PEDS1: variants seen among roughly 807,000 people sequenced by gnomAD.
PEDS1 encodes plasmanylethanolamine desaturase 1, also known as CarF homolog.
A neutral mutation model predicts 35.2 loss-of-function variants in PEDS1; 14 were observed. The observed-to-expected ratio is 0.40, with a 90% CI of 0.26 to 0.62. The LOEUF is 0.62. Among genes scored for constraint, PEDS1 ranks in the 20% least tolerant of loss-of-function variants. The pLI is 0.44. For synonymous variants in PEDS1, 152 were observed against 152.0 expected (o/e 1.00, Z 0.00); for missense variants, 260 against 367.8 (o/e 0.71, Z 2.40).
At chr20:50,141,968 C>T (rs1292097984) in intron 2 of PEDS1, among the ~76,000 whole-genome samples, 2 of 152,188 alleles carry the variant, frequency 1.3e-5, no homozygotes, top group African/African-American at 2.4e-5. Context: ...ACCAAGGGCA[C>T]AGCCGCCCCC....
In PEDS1 at chr20:50,121,229, G is replaced by C. The variant is rs2081048326; in HGVS notation, c.*3829C>G. 2 of 152,262 alleles carry C rather than the reference G, an allele frequency of 1.3e-5. No individual in the cohort carries two copies. Among genetic ancestry groups the C allele is most frequent in the Admixed American group, 1.3e-4 (2 of 15,280 alleles). The allele number at this position is 152,262 out of a possible 1,614,324, so 9.4% of individuals were successfully genotyped here. A position where few individuals can be genotyped will look rare whatever the true frequency, so the allele number is the denominator to read the frequency against. On this transcript the variant is annotated 3_prime_UTR_variant, in exon 6 of 6. Transcript: ENST00000371652. Reference sequence around the variant, plus strand: ...GGCCTGATGTCTCCAGGTCATCCCAGTCCCCAGCGTCAGCGGCCCTTTCTC... The same window carrying C: ...GGCCTGATGTCTCCAGGTCATCCCACTCCCCAGCGTCAGCGGCCCTTTCTC...
At position 50,121,515 on chromosome 20, in the gene PEDS1, T is replaced by C. The variant is rs1268573112; in HGVS notation, c.*3543A>G. ...CTTGACAGGACCCATGCCAGAGCTC[T>C]CTGCACAGTCTGGTGCAAAGTTAAG... On this transcript the variant is annotated 3_prime_UTR_variant, in exon 6 of 6. Transcript: ENST00000371652. 1 of 152,224 alleles carries C rather than the reference T, an allele frequency of 6.6e-6. No homozygotes were observed. The highest frequency in any genetic ancestry group is 1.5e-5 in the Non-Finnish European group (1 of 68,052). 9.4% of individuals were successfully genotyped at this position (152,224 alleles called of 1,614,324 possible).
intron 2 of PEDS1, among the ~76,000 whole-genome samples, chr20:50,143,102 G>A (rs2081311124): frequency 1.3e-5 from 2 of 152,212 alleles, no homozygotes; most frequent in South Asian, 2.1e-4. Context: ...GAGACTGGAC[G>A]GTGCAGGGCA....
chr20:50,127,078 G>A (rs937787351), intron 5 of PEDS1, among the ~76,000 whole-genome samples: 3 of 151,990 alleles, frequency 2.0e-5, no homozygotes, highest in African/African-American at 7.2e-5. Flanking sequence ...CAGGGCCTTC[G>A]CACCTACTGT....
rs990469716 is a variant in PEDS1, at chr20:50,124,070, G to A, written c.*988C>T. 4.6e-5 allele frequency: 7 copies of A among 152,594 alleles called. No individual in the cohort carries two copies. Among genetic ancestry groups the A allele is most frequent in the Admixed American group, 1.3e-4 (2 of 15,276 alleles). 9.5% of individuals were successfully genotyped at this position (152,594 alleles called of 1,614,324 possible). On this transcript the variant is annotated 3_prime_UTR_variant, in exon 6 of 6. Coordinates refer to ENST00000371652, the MANE Select transcript of PEDS1 (RefSeq NM_199129.4). ...AGCTCTCATCCTGAGGCCAGGGTTG[G>A]GGGGAGCTGGGAATGGGGCGAGAGT... is the stretch of plus-strand genomic sequence containing the variant.
intron 1 of PEDS1, among the ~76,000 whole-genome samples, chr20:50,153,287 G>A (rs1350929138): frequency 6.6e-6 from 1 of 152,070 alleles, no homozygotes; most frequent in Non-Finnish European, 1.5e-5. Flanking sequence ...GGAGCTCATG[G>A]TAATTTCTTG....
intron 1 of PEDS1, chr20:50,151,446 A>G (rs2081401828): frequency 3.9e-6 from 2 of 512,800 alleles, no homozygotes; most frequent in Admixed American, 4.7e-5. Context: ...TCACAGGAGC[A>G]GGCAGAGCTG....
At chr20:50,139,610 C>T (rs1025558678) in intron 2 of PEDS1, among the ~76,000 whole-genome samples, 1 of 152,012 alleles carries the variant, frequency 6.6e-6, no homozygotes, top group Non-Finnish European at 1.5e-5. Flanking sequence ...GACTCAGCCC[C>T]TGGGGGTGCT....
chr20:50,147,066 A>G (rs2081353386), intron 1 of PEDS1, among the ~76,000 whole-genome samples: 1 of 152,138 alleles, frequency 6.6e-6, no homozygotes, highest in South Asian at 2.1e-4. Context: ...TGCCTGCCCC[A>G]CAGCATGCAG....
chr20:50,131,986 C>T (rs1183862504), intron 2 of PEDS1, among the ~76,000 whole-genome samples: 1 of 151,894 alleles, frequency 6.6e-6, no homozygotes, highest in Non-Finnish European at 1.5e-5. Flanking sequence ...GGCGGATCAC[C>T]TGAGGTCAGG....
rs1384597030 is a variant in PEDS1, at chr20:50,130,836, G to T, written c.333+20C>A. 2.5e-6 allele frequency: 4 copies of T among 1,613,612 alleles called. No individual in the cohort carries two copies. The highest frequency in any genetic ancestry group is 4.5e-5 in the East Asian group (2 of 44,900). ...AGCCCAACCTCCTTCTTGAGGACAT[G>T]GTTAGGTCAACATACTCACCTTCCC... On this transcript the variant is annotated intron_variant, in intron 3 of 5. Coordinates refer to ENST00000371652, the MANE Select transcript of PEDS1 (RefSeq NM_199129.4).
intron 1 of PEDS1, chr20:50,151,431 A>G: frequency 3.6e-6 from 2 of 560,138 alleles, no homozygotes; most frequent in South Asian, 1.5e-5. Context: ...GAAAGTAGGT[A>G]GGGTTCACAG....
chr20:50,133,602 C>G (rs761213), intron 2 of PEDS1, among the ~76,000 whole-genome samples: 91,941 of 152,052 alleles, frequency 0.6, 29,588 homozygotes, highest in African/African-American at 0.85. Context: ...GTGGAAGCCC[C>G]AGAAGGGCTT....
chr20:50,126,270 A>G (rs950951605), intron 5 of PEDS1, among the ~76,000 whole-genome samples: 4 of 152,184 alleles, frequency 2.6e-5, no homozygotes, highest in African/African-American at 7.2e-5. Flanking sequence ...GTAGATACTA[A>G]TATCAGTCCC....
Position 50,125,047 on chromosome 20 carries a change from G to GCCAAC in PEDS1, c.*10_*11insGTTGG. On this transcript the variant is annotated 3_prime_UTR_variant, in exon 6 of 6. Transcript: ENST00000371652. The stretch of plus-strand genomic sequence containing the variant: ...GGGAAGGTTGGCAACCAGGTAGCAG[G>GCCAAC]CTCGGAGAAGTTATTTGATCTTCTG... 6.2e-7 allele frequency: 1 copy of GCCAAC among 1,613,302 alleles called. No individual in the cohort carries two copies. Among genetic ancestry groups the GCCAAC allele is most frequent in the Admixed American group, 1.7e-5 (1 of 59,978 alleles).
At chr20:50,126,973 C>T (rs988800482) in intron 5 of PEDS1, among the ~76,000 whole-genome samples, 2 of 152,118 alleles carry the variant, frequency 1.3e-5, no homozygotes, top group Non-Finnish European at 2.9e-5. Context: ...TTCCACTGCT[C>T]TGCCCGCTTC....
intron 3 of PEDS1, among the ~76,000 whole-genome samples, chr20:50,130,046 C>T (rs955924084): frequency 6.6e-6 from 1 of 152,198 alleles, no homozygotes; most frequent in Non-Finnish European, 1.5e-5. Context: ...TCTGGACCCC[C>T]TGCACCTGCT....
chr20:50,142,482 G>A (rs1171752858), intron 2 of PEDS1, among the ~76,000 whole-genome samples: 2 of 152,174 alleles, frequency 1.3e-5, no homozygotes, highest in Non-Finnish European at 2.9e-5. Context: ...CTGCTGCCTG[G>A]GCTGAAGTGC....
At chr20:50,130,012 C>G (rs561086733) in intron 3 of PEDS1, among the ~76,000 whole-genome samples, 2 of 152,248 alleles carry the variant, frequency 1.3e-5, no homozygotes, top group African/African-American at 4.8e-5. Flanking sequence ...TTGAGGAGGT[C>G]CCTCTAAGTA....
Sources: gnomAD v4.1 joint callset for allele counts (sites outside exome capture counted in the v4.1 genomes callset) on GRCh38, gnomAD v4.1.1 for gene constraint, MANE v1.5 for transcripts, NCBI Gene and HGNC (gene_info 2026-07-23, HGNC 2026-07-21) for gene names.